LIG1: variants seen among roughly 807,000 people sequenced by gnomAD.
LIG1 encodes the protein DNA ligase 1, also known as ligase I, DNA, ATP-dependent.
Under a neutral mutation model 115.7 loss-of-function variants are expected in LIG1, and 70 were observed. The ratio of observed to expected loss-of-function variants is 0.60; its 90% CI spans 0.50 to 0.74. The LOEUF is 0.74. LIG1 is among the 30% of genes least tolerant of loss of function. The pLI, the probability that LIG1 is intolerant of heterozygous loss-of-function variation, is 0.00. For synonymous variants in LIG1, 487 were observed against 495.3 expected, an observed-to-expected ratio of 0.98 and a Z score of 0.22; for missense variants, 1,115 against 1,225.6, an observed-to-expected ratio of 0.91 and a Z score of 1.35.
At chr19:48,133,215 C>T (rs937382116) in intron 17 of LIG1, 118 bp from the exon 18 acceptor site, 6 of 743,348 alleles carry the variant, frequency 8.1e-6, no homozygotes, top group South Asian at 4.5e-5. Context: ...TATTCAGTCA[C>T]GAAGCCTCCC....
At chr19:48,159,033 G>C (rs1458109255) in intron 4 of LIG1, among the ~76,000 whole-genome samples, 1 of 151,676 alleles carries the variant, frequency 6.6e-6, no homozygotes, top group African/African-American at 2.4e-5. Context: ...CACTGGTATG[G>C]TTTCTGTCTC....
At chr19:48,123,762 T>C (rs1378492722) in intron 21 of LIG1, 10 of 256,578 alleles carry the variant, frequency 3.9e-5, no homozygotes, top group Non-Finnish European at 7.7e-5. Context: ...GGACTACAGG[T>C]GCACATCACA....
Position 48,137,509 on chromosome 19 carries a change from C to T in LIG1, c.1254+13G>A, listed in dbSNP as rs2034467178. Reference sequence around the variant, plus strand: ...ATGTCTGGGGTCCGGGATGAGCGGCCCGCCCCACTCACAGCACTGCCAGTG... The same window carrying T: ...ATGTCTGGGGTCCGGGATGAGCGGCTCGCCCCACTCACAGCACTGCCAGTG... On this transcript the variant is annotated intron_variant, in intron 13 of 27. Transcript: ENST00000263274. The surrounding 1 kb of genome is among the most constrained non-coding windows in gnomAD (Gnocchi z 4.3). The T allele has an allele frequency of 6.2e-7, 1 of 1,610,704 alleles. No individual in the cohort carries two copies. The highest frequency in any genetic ancestry group is 1.7e-5 in the Admixed American group (1 of 59,980).
At chr19:48,115,822 C>A (rs570278953) in intron 27 of LIG1, 51 bp downstream of exon 27, 1 of 1,588,068 alleles carries the variant, frequency 6.3e-7, no homozygotes. Flanking sequence ...CGCTAAAAAG[C>A]TGGTAGGGCC....
intron 21 of LIG1, among the ~76,000 whole-genome samples, chr19:48,124,347 C>G (rs1042193664): frequency 6.6e-6 from 1 of 152,214 alleles, no homozygotes. Flanking sequence ...CCCAGCCACA[C>G]GCTTCCTAGC....
At chr19:48,125,861 G>A (rs1027666398) in intron 21 of LIG1, among the ~76,000 whole-genome samples, 54 of 151,754 alleles carry the variant, frequency 3.6e-4, no homozygotes, top group African/African-American at 1.2e-3. Flanking sequence ...GGTGGTGCAC[G>A]CCTGTAATCC....
chr19:48,170,008 T>C (rs2036719458), intron 1 of LIG1: 3 of 314,536 alleles, frequency 9.5e-6, no homozygotes, highest in South Asian at 6.7e-5. Context: ...TGTCCAACTG[T>C]CTCTGTCTCT....
chr19:48,144,023 CT>C (rs1599815171), intron 9 of LIG1, 60 bp from the exon 10 acceptor site: 3 of 1,318,430 alleles, frequency 2.3e-6, no homozygotes, highest in Non-Finnish European at 1.1e-6. Flanking sequence ...AAAGTCATTC[CT>C]TCCAACTGTG....
chr19:48,162,766 A>G (rs2036258025), intron 2 of LIG1, among the ~76,000 whole-genome samples: 1 of 152,032 alleles, frequency 6.6e-6, no homozygotes, highest in African/African-American at 2.4e-5. Context: ...ATCTCAGCAC[A>G]TAACAGAGAA....
chr19:48,168,751 G>A (rs2036605906), intron 1 of LIG1, among the ~76,000 whole-genome samples: 1 of 152,116 alleles, frequency 6.6e-6, no homozygotes, highest in Non-Finnish European at 1.5e-5. Flanking sequence ...TTTTTGGGGG[G>A]ATGATAAAAA....
chr19:48,142,455 A>AAAAAAAAAAAAAAAC (rs1477820876), intron 11 of LIG1, among the ~76,000 whole-genome samples: 1 of 150,820 alleles, frequency 6.6e-6, no homozygotes, highest in African/African-American at 2.4e-5. Context: ...AAAAAAAAAA[A>AAAAAAAAAAAAAAAC]AACAGAGTGC....
At chr19:48,159,085 T>TTC (rs72249991) in intron 4 of LIG1, among the ~76,000 whole-genome samples, 22,987 of 151,628 alleles carry the variant, frequency 0.15, 2,225 homozygotes, top group African/African-American at 0.28. Context: ...AGATAATTTT[T>TTC]TTTTTTTTTT....
rs2033785443 is a variant in LIG1, at chr19:48,128,012, G to A, written c.1830C>T (p.Leu610=). ...CCAGGATGAAGGATGTGACCGATGG[G>A]AGTTTAATCTGAAAAGTGAAGGGAG... The part of the protein sequence containing the change: ...DIISRIPKIK[L]PSVTSFILDT... The change falls in exon 20 of 28, where the codon CTC becomes CTT. Residue 610 remains leucine (L), a synonymous_variant. Coordinates refer to ENST00000263274, the MANE Select transcript of LIG1 (RefSeq NM_000234.3). The A allele has an allele frequency of 3.1e-6, 5 of 1,613,798 alleles. No individual in the cohort carries two copies. Among genetic ancestry groups the A allele is most frequent in the Non-Finnish European group, 3.4e-6 (4 of 1,179,788 alleles).
intron 21 of LIG1, among the ~76,000 whole-genome samples, chr19:48,126,745 A>T (rs954198941): frequency 2.1e-5 from 3 of 145,968 alleles, no homozygotes; most frequent in Non-Finnish European, 3.0e-5. Flanking sequence ...AATAATATTA[A>T]TTTTTTTTTT....
rs187694039 is a variant in LIG1 at position 48,151,966 on chromosome 19, A to G, written c.467-627T>C. On this transcript the variant is annotated intron_variant, in intron 6 of 27. Transcript: ENST00000263274. ...AAAAATCTTCAAAGTTAAAAAAAAAATCTTACCTCTAGGGTCACAATACAA... is the reference window on the plus strand; with the variant it reads ...AAAAATCTTCAAAGTTAAAAAAAAAGTCTTACCTCTAGGGTCACAATACAA... 6.4e-4 allele frequency among the ~76,000 whole-genome samples: 97 copies of G among 152,194 alleles called. No homozygotes were observed. In the East Asian group the frequency reaches 0.013, roughly 21 times the overall value.
chr19:48,170,335 G>T lies in LIG1; in HGVS notation c.-152C>A. The T allele has an allele frequency of 2.3e-6, 1 of 440,084 alleles. No individual in the cohort carries two copies. The highest frequency in any genetic ancestry group is 7.7e-5 in the East Asian group (1 of 12,904). 27.3% of individuals were successfully genotyped at this position (440,084 alleles called of 1,614,324 possible). ...CAAGTTCGCGCCACGGCATTCGCGC[G>T]CAGACGTCTGCGGGCGGGGGCGGGG... On this transcript the variant is annotated 5_prime_UTR_variant, in exon 1 of 28. Transcript: ENST00000263274.
chr19:48,165,971 C>T (rs2036459420), intron 1 of LIG1, among the ~76,000 whole-genome samples: 1 of 152,118 alleles, frequency 6.6e-6, no homozygotes, highest in South Asian at 2.1e-4. Context: ...TTCCGTGAAA[C>T]AACTGTGGAA....
At chr19:48,154,047 T>C (rs2035680444) in intron 5 of LIG1, 80 bp from the exon 6 acceptor site, 1 of 1,201,108 alleles carries the variant, frequency 8.3e-7, no homozygotes, top group Admixed American at 1.7e-5. Flanking sequence ...CCCACTGATG[T>C]AGCCTCTGGA....
At chr19:48,159,044 C>T (rs937878622) in intron 4 of LIG1, among the ~76,000 whole-genome samples, 12 of 152,056 alleles carry the variant, frequency 7.9e-5, no homozygotes, top group African/African-American at 2.9e-4. Flanking sequence ...TTTCTGTCTC[C>T]CATTGAGACC....
Sources: allele counts gnomAD v4.1 joint callset (sites outside exome capture counted in the v4.1 genomes callset), GRCh38; gene constraint gnomAD v4.1.1; non-coding constraint Gnocchi (gnomAD v3.1); transcripts MANE v1.5; gene names NCBI Gene and HGNC (gene_info 2026-07-23, HGNC 2026-07-21).